Variants in ZNF680 observed in about 807,000 individuals in gnomAD.
The protein encoded by ZNF680 is hypothetical protein FLJ90430.
ZNF680 carries 6 observed loss-of-function variants against 12.1 expected under a neutral mutation model. The ratio of observed to expected loss-of-function variants is 0.49; its 90% CI spans 0.27 to 0.98. ZNF680 has a LOEUF of 0.98. Among genes scored for constraint, ZNF680 ranks in the 50% least tolerant of loss-of-function variants. The pLI, the probability that ZNF680 is intolerant of heterozygous loss-of-function variation, is 0.12. For synonymous variants in ZNF680, 170 were observed against 199.3 expected (o/e 0.85, Z 1.24); for missense variants, 561 against 616.3 (o/e 0.91, Z 0.95).
the ZNF680 span, among the ~76,000 whole-genome samples, chr7:64,499,713 C>T: frequency 0.032 from 4,869 of 152,194 alleles, 362 homozygotes; most frequent in East Asian, 0.33. Flanking sequence ...CATTGCACTC[C>T]GGCCTGGGTG....
At chr7:64,560,461 T>A (rs1245130385) in intron 1 of ZNF680, among the ~76,000 whole-genome samples, 2 of 152,226 alleles carry the variant, frequency 1.3e-5, no homozygotes, top group Non-Finnish European at 2.9e-5. Context: ...AGATTTTCTC[T>A]ATTTTTTCCC....
At chr7:64,519,472 A>G (rs1791425298), downstream of ZNF680, among the ~76,000 whole-genome samples, 1 of 151,812 alleles carries the variant, frequency 6.6e-6, no homozygotes, top group Admixed American at 6.6e-5. Context: ...TGATCTAGCA[A>G]TCCCACTACT....
intron 1 of ZNF680, among the ~76,000 whole-genome samples, chr7:64,553,298 TA>T (rs1441005225): frequency 2.6e-5 from 4 of 152,180 alleles, no homozygotes; most frequent in African/African-American, 9.7e-5. Flanking sequence ...ATGATTTACA[TA>T]TATTTCAATA....
intron 1 of ZNF680, chr7:64,551,838 T>C (rs903717937): frequency 6.6e-6 from 1 of 152,372 alleles, no homozygotes; most frequent in Non-Finnish European, 1.5e-5. Flanking sequence ...TCAGATTACA[T>C]GTAAGATTGA....
intron 3 of ZNF680, among the ~76,000 whole-genome samples, chr7:64,526,727 T>G (rs1791868771): frequency 6.6e-6 from 1 of 152,190 alleles, no homozygotes; most frequent in Non-Finnish European, 1.5e-5. Flanking sequence ...TGCATAAATC[T>G]GTCGATACCC....
In ZNF680 at chr7:64,541,030, T is replaced by A. The variant is rs564760888; in HGVS notation, c.253+2677A>T. ...CTTACACAAAATAAAACTACTGTAA[T>A]CCAACTTTAGAAGCAAAACAATAGT... On this transcript the variant is annotated intron_variant, in intron 3 of 3. Coordinates refer to ENST00000309683, the MANE Select transcript of ZNF680 (RefSeq NM_178558.5). Among the ~76,000 whole-genome samples the A allele has an allele frequency of 2.6e-5, 4 of 152,310 alleles. No homozygotes were observed. The East Asian group carries it at 7.7e-4, about 29-fold the overall frequency.
the ZNF680 span, among the ~76,000 whole-genome samples, chr7:64,513,550 G>A: frequency 6.6e-6 from 1 of 152,010 alleles, no homozygotes; most frequent in African/African-American, 2.4e-5. Flanking sequence ...GGTCTAATTA[G>A]TTAAAATTGA....
At chr7:64,501,086 C>A in the ZNF680 span, 3 of 928,474 alleles carry the variant, frequency 3.2e-6, no homozygotes, top group South Asian at 4.3e-5. Context: ...GCTGCAGAGC[C>A]AAAAGTGAAC....
intron 1 of ZNF680, among the ~76,000 whole-genome samples, chr7:64,557,414 G>C (rs1015592984): frequency 1.3e-5 from 2 of 151,396 alleles, no homozygotes; most frequent in African/African-American, 4.9e-5. Flanking sequence ...AAGTAGCCAC[G>C]TGTGTTGGCA....
chr7:64,507,398 T>C, the ZNF680 span, among the ~76,000 whole-genome samples: 1 of 150,340 alleles, frequency 6.7e-6, no homozygotes, highest in Non-Finnish European at 1.5e-5. Context: ...AATAATATAT[T>C]GTGTATAGTA....
chr7:64,514,846 C>CCATTTTTTTT, the ZNF680 span, among the ~76,000 whole-genome samples: 1 of 152,186 alleles, frequency 6.6e-6, no homozygotes, highest in Non-Finnish European at 1.5e-5. Context: ...GAATTCAAGA[C>CCATTTTTTTT]CATCCTGACC....
intron 3 of ZNF680, among the ~76,000 whole-genome samples, chr7:64,537,249 G>A (rs1786215903): frequency 6.6e-6 from 1 of 152,134 alleles, no homozygotes; most frequent in Admixed American, 6.5e-5. Context: ...AACTTCAGGA[G>A]GCCAAGGCAG....
chr7:64,560,271 G>A (rs923811285), intron 1 of ZNF680, among the ~76,000 whole-genome samples: 2 of 151,758 alleles, frequency 1.3e-5, no homozygotes, highest in African/African-American at 4.8e-5. Flanking sequence ...GTACCACCAC[G>A]CCCGGCTAAT....
chr7:64,537,583 C>A (rs1224675602), intron 3 of ZNF680, among the ~76,000 whole-genome samples: 2 of 151,950 alleles, frequency 1.3e-5, no homozygotes, highest in Admixed American at 6.6e-5. Context: ...TTAAAAGCTA[C>A]AACAGCAAAA....
At chr7:64,544,572 AT>A (rs1786684290) in intron 1 of ZNF680, 140 bp from the exon 2 acceptor site, 2 of 1,372,312 alleles carry the variant, frequency 1.5e-6, no homozygotes, top group Admixed American at 2.9e-5. Context: ...AGTGAGTCAA[AT>A]TATACAATAA....
In ZNF680 at chr7:64,521,819, T is replaced by C. The variant is rs571358100; in HGVS notation, c.935A>G (p.His312Arg). The C allele has an allele frequency of 1.2e-6, 2 of 1,613,502 alleles. No individual in the cohort carries two copies. The highest frequency in any genetic ancestry group is 1.7e-5 in the Admixed American group (1 of 59,990). Residue 312 changes from histidine (H) to arginine (R), a missense_variant, in exon 4 of 4, where the codon CAT becomes CGT. By Grantham distance (29) the His-to-Arg change is conservative (BLOSUM62 0). Transcript: ENST00000309683. ...AFNWFATLTNHKRIHTGEKPF... is the reference protein window; with the variant it reads ...AFNWFATLTNRKRIHTGEKPF... ...TTTCTCTCCAGTATGAATTCTCTTATGGTTAGTAAGGGTTGCAAACCAGTT... is the reference window on the plus strand; with the variant it reads ...TTTCTCTCCAGTATGAATTCTCTTACGGTTAGTAAGGGTTGCAAACCAGTT...
chr7:64,539,375 AG>A (rs67218532), intron 3 of ZNF680, among the ~76,000 whole-genome samples: 71 of 58,272 alleles, frequency 1.2e-3, no homozygotes, highest in African/African-American at 2.7e-3. Flanking sequence ...AAAAAAAAAA[AG>A]AAAAGAAAAT....
chr7:64,512,218 G>T, the ZNF680 span, among the ~76,000 whole-genome samples: 4 of 151,942 alleles, frequency 2.6e-5, no homozygotes, highest in East Asian at 7.7e-4. Context: ...GGGAGGTCAA[G>T]GCAGGTGGAT....
At chr7:64,551,105 CAT>C (rs1252870189) in intron 1 of ZNF680, among the ~76,000 whole-genome samples, 7 of 152,156 alleles carry the variant, frequency 4.6e-5, no homozygotes, top group Non-Finnish European at 1.0e-4. Context: ...CCATGTCATG[CAT>C]AGTTCACTCT....
Sources: allele counts gnomAD v4.1 joint callset (sites outside exome capture counted in the v4.1 genomes callset), GRCh38; gene constraint gnomAD v4.1.1; transcripts MANE v1.5; gene names NCBI Gene and HGNC (gene_info 2026-07-23, HGNC 2026-07-21).